The following TTC28 variants were observed in gnomAD, a reference collection of about 807,000 sequenced individuals.
The protein encoded by TTC28 is tetratricopeptide repeat protein 28.
In TTC28, 61 loss-of-function variants were observed where a neutral mutation model predicts 198.0. The ratio of observed to expected loss-of-function variants is 0.31; its 90% CI spans 0.25 to 0.38. The LOEUF is 0.38. Ranked by LOEUF, TTC28 falls within the 10% of genes least tolerant of loss-of-function variation. The pLI is 1.00. For missense variants in TTC28, 2,678 were observed against 3,164.0 expected (o/e 0.85, Z 3.69); for synonymous variants, 1,171 against 1,297.8 (o/e 0.90, Z 2.10).
At chr22:28,300,373 C>T (rs537884399) in intron 3 of TTC28, among the ~76,000 whole-genome samples, 1 of 152,102 alleles carries the variant, frequency 6.6e-6, no homozygotes, top group African/African-American at 2.4e-5. Context: ...GAGAAATAAT[C>T]ATCTAATTGA....
At chr22:28,444,279 T>C (rs1016889162) in intron 2 of TTC28, among the ~76,000 whole-genome samples, 3 of 152,232 alleles carry the variant, frequency 2.0e-5, no homozygotes, top group African/African-American at 7.2e-5. Flanking sequence ...GTAACTGATG[T>C]ACCAATGTTC....
At chr22:28,367,700 CAATT>C (rs1288899185) in intron 2 of TTC28, among the ~76,000 whole-genome samples, 1 of 151,806 alleles carries the variant, frequency 6.6e-6, no homozygotes, top group South Asian at 2.1e-4. Flanking sequence ...AGAGAAGACT[CAATT>C]AAATAAAATC....
chr22:28,549,994 A>T (rs1440143077), intron 2 of TTC28, among the ~76,000 whole-genome samples: 1 of 152,140 alleles, frequency 6.6e-6, no homozygotes, highest in African/African-American at 2.4e-5. Flanking sequence ...AATTCCCAAC[A>T]ATTTTAGTCC....
chr22:27,999,550 GC>G (rs1937617705), intron 15 of TTC28: 1 of 400,962 alleles, frequency 2.5e-6, no homozygotes, highest in Non-Finnish European at 4.5e-6. Context: ...GTGGACAGAG[GC>G]CGTGGAACCC....
chr22:28,002,512 G>C (rs1412882894), intron 14 of TTC28: 1 of 152,222 alleles, frequency 6.6e-6, no homozygotes, highest in African/African-American at 2.4e-5. Context: ...CTGATGTGCT[G>C]CCGTGGGCAC....
intron 6 of TTC28, among the ~76,000 whole-genome samples, chr22:28,116,466 C>T (rs1281556024): frequency 6.6e-6 from 1 of 151,932 alleles, no homozygotes; most frequent in African/African-American, 2.4e-5. Flanking sequence ...AGGCTATGGC[C>T]GGGCCACTGG....
At chr22:28,040,439 A>G (rs1458982035) in intron 12 of TTC28, among the ~76,000 whole-genome samples, 2 of 152,268 alleles carry the variant, frequency 1.3e-5, no homozygotes, top group African/African-American at 4.8e-5. Flanking sequence ...CAATGTAGGC[A>G]AATCAATAAA....
chr22:28,069,340 A>C (rs1940875305), intron 12 of TTC28, among the ~76,000 whole-genome samples: 1 of 152,156 alleles, frequency 6.6e-6, no homozygotes, highest in Admixed American at 6.6e-5. Context: ...CAGAGACTAC[A>C]ATCAGCACCT....
intron 5 of TTC28, among the ~76,000 whole-genome samples, chr22:28,187,582 A>G (rs560233483): frequency 1.3e-5 from 2 of 152,288 alleles, no homozygotes; most frequent in South Asian, 4.1e-4. Context: ...GGTGGGTTAC[A>G]TTTCCCCCAG....
chr22:28,469,558 G>A (rs2048071705), intron 2 of TTC28, among the ~76,000 whole-genome samples: 1 of 152,296 alleles, frequency 6.6e-6, no homozygotes, highest in South Asian at 2.1e-4. Flanking sequence ...TAAGAGGGAG[G>A]CAGAGGGAGA....
chr22:28,409,405 C>T (rs1192834558), intron 2 of TTC28, among the ~76,000 whole-genome samples: 1 of 152,110 alleles, frequency 6.6e-6, no homozygotes, highest in East Asian at 1.9e-4. Flanking sequence ...AGCAAAGCAT[C>T]ATATCCTGAG....
chr22:28,629,468 T>C (rs375829743), intron 2 of TTC28, 84 bp downstream of exon 2: 46 of 1,349,032 alleles, frequency 3.4e-5, no homozygotes, highest in African/African-American at 1.9e-4. Flanking sequence ...GTAAGTACAC[T>C]AAATCAACAA....
intron 5 of TTC28, among the ~76,000 whole-genome samples, chr22:28,172,030 A>G (rs1922732161): frequency 1.3e-5 from 2 of 151,696 alleles, no homozygotes; most frequent in Non-Finnish European, 2.9e-5. Context: ...TCTTTCCTCT[A>G]CTTCAGTAGT....
intron 6 of TTC28, among the ~76,000 whole-genome samples, chr22:28,156,025 T>C (rs747702078): frequency 6.6e-6 from 1 of 152,216 alleles, no homozygotes; most frequent in African/African-American, 2.4e-5. Context: ...ATTTGGCAAC[T>C]GTTAGGTTGG....
At chr22:28,047,451 T>C (rs1469754137) in intron 12 of TTC28, among the ~76,000 whole-genome samples, 1 of 152,086 alleles carries the variant, frequency 6.6e-6, no homozygotes, top group Non-Finnish European at 1.5e-5. Flanking sequence ...CCATAGAAGG[T>C]GCACAGCCAG....
rs573525179 is a variant in TTC28, at chr22:28,409,779, C to T, written c.382-103136G>A. Among the ~76,000 whole-genome samples the T allele has an allele frequency of 2.1e-3, 315 of 151,498 alleles. 1 individual carries two copies. The highest frequency in any genetic ancestry group is 7.3e-3 in the African/African-American group (302 of 41,332). Reference sequence around the variant, plus strand: ...TCAAGCAATTCTCCTGCCCCAGCCTCCCGAGTAGCTGGGACTACAGGCGCA... The same window carrying T: ...TCAAGCAATTCTCCTGCCCCAGCCTTCCGAGTAGCTGGGACTACAGGCGCA... On this transcript the variant is annotated intron_variant, in intron 2 of 22. Coordinates refer to ENST00000397906, the MANE Select transcript of TTC28 (RefSeq NM_001145418.2).
intron 6 of TTC28, among the ~76,000 whole-genome samples, chr22:28,108,727 T>G (rs1942399349): frequency 6.6e-6 from 1 of 152,210 alleles, no homozygotes; most frequent in Non-Finnish European, 1.5e-5. Context: ...CCATTGCGTA[T>G]AAAGAGTTTA....
chr22:28,189,977 T>C (rs545417750), intron 5 of TTC28, among the ~76,000 whole-genome samples: 4 of 152,250 alleles, frequency 2.6e-5, no homozygotes, highest in Non-Finnish European at 5.9e-5. Context: ...CGAGTCTAGT[T>C]ACTACTAGAG....
At chr22:28,080,132 C>T (rs145038605) in intron 12 of TTC28, among the ~76,000 whole-genome samples, 1 of 152,284 alleles carries the variant, frequency 6.6e-6, no homozygotes, top group East Asian at 1.9e-4. Flanking sequence ...TACCCCCTGG[C>T]TATTATGAGT....
Sources: gnomAD v4.1 joint callset for allele counts (sites outside exome capture counted in the v4.1 genomes callset) on GRCh38, gnomAD v4.1.1 for gene constraint, MANE v1.5 for transcripts, NCBI Gene and HGNC (gene_info 2026-07-23, HGNC 2026-07-21) for gene names.